DLG2: variants seen among roughly 807,000 people sequenced by gnomAD.
DLG2 encodes the protein disks large homolog 2.
Under a neutral mutation model 132.5 loss-of-function variants are expected in DLG2, and 45 were observed. The ratio of observed to expected loss-of-function variants is 0.34; its 90% CI spans 0.27 to 0.44. The LOEUF is 0.44. DLG2 is among the 20% of genes least tolerant of loss of function. The pLI, the probability that DLG2 is intolerant of heterozygous loss-of-function variation, is 1.00. For missense variants in DLG2, 1,045 were observed against 1,196.9 expected, an observed-to-expected ratio of 0.87 and a Z score of 1.87; for synonymous variants, 424 against 419.6, an observed-to-expected ratio of 1.01 and a Z score of -0.13.
chr11:84,641,950 CATACGTATATATGTATAT>C (rs2099666994), intron 6 of DLG2, among the ~76,000 whole-genome samples: 1 of 150,220 alleles, frequency 6.7e-6, no homozygotes, highest in African/African-American at 2.4e-5. Context: ...TACACACATC[CATACGTATATATGTATAT>C]ATATGTATGC....
intron 6 of DLG2, among the ~76,000 whole-genome samples, chr11:84,740,359 A>C (rs1224774935): frequency 6.6e-6 from 1 of 152,136 alleles, no homozygotes; most frequent in Non-Finnish European, 1.5e-5. Flanking sequence ...TTGCCACTGG[A>C]TATACTTACA....
At chr11:85,463,069 T>C (rs867499825) in intron 3 of DLG2, among the ~76,000 whole-genome samples, 15 of 152,234 alleles carry the variant, frequency 9.9e-5, no homozygotes, top group Admixed American at 2.6e-4. Context: ...GATCATGGAA[T>C]TCCAGTGTCC....
chr11:85,048,109 T>C lies in DLG2; in HGVS notation c.357+63552A>G, dbSNP rs145094216. 1.4e-4 allele frequency among the ~76,000 whole-genome samples: 22 copies of C among 152,044 alleles called. No homozygotes were observed. In the East Asian group the frequency reaches 2.7e-3, roughly 19 times the overall value. On this transcript the variant is annotated intron_variant, in intron 6 of 27. Transcript: ENST00000376104. ...TTGTTTTATAGAGCAATACCTTTTT[T>C]TGACCTTCAATACATGACACAAAGC... is the stretch of plus-strand genomic sequence containing the variant.
intron 3 of DLG2, among the ~76,000 whole-genome samples, chr11:85,548,930 T>C (rs1286104894): frequency 6.6e-6 from 1 of 151,998 alleles, no homozygotes; most frequent in Non-Finnish European, 1.5e-5. Flanking sequence ...CTGGGCTCCG[T>C]GGGGGTGGGA....
Position 84,953,040 on chromosome 11 carries a change from C to T in DLG2, c.357+158621G>A, listed in dbSNP as rs1337671573. 3.3e-5 allele frequency among the ~76,000 whole-genome samples: 5 copies of T among 152,254 alleles called. 1 individual carries two copies. In the East Asian group the frequency reaches 5.8e-4, roughly 18 times the overall value. On this transcript the variant is annotated intron_variant, in intron 6 of 27. Transcript: ENST00000376104. ...ACCTTTTCATTTCTCCTGCCACTACCCTAGCTTAGATCTTCATTTTTTAAA... is the reference window on the plus strand; with the variant it reads ...ACCTTTTCATTTCTCCTGCCACTACTCTAGCTTAGATCTTCATTTTTTAAA...
At chr11:85,112,315 G>A (rs2072901520) in intron 5 of DLG2, among the ~76,000 whole-genome samples, 2 of 152,076 alleles carry the variant, frequency 1.3e-5, no homozygotes, top group South Asian at 4.1e-4. Context: ...CCATTTTCCA[G>A]GCACTTCTTT....
Position 83,462,000 on chromosome 11 carries a change from A to G in DLG2, c.2821+2T>C. The G allele has an allele frequency of 6.3e-7, 1 of 1,593,944 alleles. No homozygotes were observed. The highest frequency in any genetic ancestry group is 8.6e-7 in the Non-Finnish European group (1 of 1,161,702). On this transcript the variant is annotated splice_donor_variant, in intron 27 of 27. Transcript: ENST00000376104. LOFTEE classifies it high-confidence loss of function. ...ACACTACCAGGGTAAAAGTGAACTT[A>G]CCTGTAAAATATTCTCCAAATTCTT...
intron 3 of DLG2, among the ~76,000 whole-genome samples, chr11:85,536,505 C>T (rs533478588): frequency 6.6e-5 from 10 of 152,330 alleles, no homozygotes; most frequent in East Asian, 1.9e-4. Context: ...TTGGCCTTGG[C>T]GTCTGCTCTG....
At chr11:84,718,697 C>A (rs552081613) in intron 6 of DLG2, among the ~76,000 whole-genome samples, 4 of 152,074 alleles carry the variant, frequency 2.6e-5, no homozygotes, top group African/African-American at 7.2e-5. Flanking sequence ...AAACAGTAGC[C>A]ATTGCAAGGA....
intron 4 of DLG2, among the ~76,000 whole-genome samples, chr11:85,223,578 G>T (rs2074793698): frequency 6.6e-6 from 1 of 152,120 alleles, no homozygotes. Flanking sequence ...GAAAGAGGTT[G>T]CAGTGAACTG....
chr11:84,796,509 T>A (rs553910390), intron 6 of DLG2, among the ~76,000 whole-genome samples: 2 of 152,338 alleles, frequency 1.3e-5, no homozygotes, highest in Non-Finnish European at 2.9e-5. Context: ...TTTGGAAGAT[T>A]TCTTACTGCT....
At chr11:84,028,052 T>TAA (rs368079509) in intron 11 of DLG2, among the ~76,000 whole-genome samples, 65 of 146,772 alleles carry the variant, frequency 4.4e-4, no homozygotes, top group African/African-American at 1.6e-3. Flanking sequence ...TTGTCCAGAT[T>TAA]AAAAAAAAAA....
intron 17 of DLG2, among the ~76,000 whole-genome samples, chr11:83,806,458 G>C (rs1025692907): frequency 1.3e-5 from 2 of 152,152 alleles, no homozygotes; most frequent in Non-Finnish European, 2.9e-5. Flanking sequence ...TCCTGTCAGT[G>C]AGTGAATATA....
rs34969401 is a variant in DLG2, at chr11:83,503,369, TTATATATATATATA to T, written c.2194-19155_2194-19142del. ...TATATATATACACACACACACCCATTTATATATATATATATATATATATATATATATATATATAT... is the reference window on the plus strand; with the variant it reads ...TATATATATACACACACACACCCATTTATATATATATATATATATATATAT... On this transcript the variant is annotated intron_variant, in intron 21 of 27. Transcript: ENST00000376104. Among the ~76,000 whole-genome samples, 857 of 90,700 alleles carry T rather than the reference TTATATATATATATA, an allele frequency of 9.4e-3. 20 individuals are homozygous for T. The highest frequency in any genetic ancestry group is 0.012 in the Admixed American group (79 of 6,484). 59.5% of individuals were successfully genotyped at this position (90,700 alleles called of 152,430 possible).
intron 3 of DLG2, among the ~76,000 whole-genome samples, chr11:85,494,839 TA>T (rs1225923124): frequency 1.3e-4 from 20 of 151,170 alleles, no homozygotes; most frequent in Admixed American, 1.1e-3. Context: ...GATTGTAGAA[TA>T]TTTTTTTAAA....
At chr11:84,786,782 G>C (rs2072967839) in intron 6 of DLG2, among the ~76,000 whole-genome samples, 1 of 152,078 alleles carries the variant, frequency 6.6e-6, no homozygotes, top group Non-Finnish European at 1.5e-5. Context: ...AACTACCATA[G>C]ACACAAAGTT....
intron 5 of DLG2, among the ~76,000 whole-genome samples, chr11:85,151,508 C>A (rs2077249349): frequency 6.6e-6 from 1 of 152,052 alleles, no homozygotes; most frequent in Non-Finnish European, 1.5e-5. Context: ...TTTCTGTAGG[C>A]ATTATAGAGT....
intron 6 of DLG2, among the ~76,000 whole-genome samples, chr11:84,562,964 C>T (rs2099432985): frequency 6.6e-6 from 1 of 152,064 alleles, no homozygotes; most frequent in South Asian, 2.1e-4. Context: ...GTTGTTCAGG[C>T]TGTTCTCAAA....
chr11:84,742,698 T>C (rs951668318), intron 6 of DLG2, among the ~76,000 whole-genome samples: 5 of 152,184 alleles, frequency 3.3e-5, no homozygotes, highest in Non-Finnish European at 7.4e-5. Context: ...CTGTTGGTGG[T>C]GTACATTCTG....
Sources: gnomAD v4.1 joint callset for allele counts (sites outside exome capture counted in the v4.1 genomes callset) on GRCh38, gnomAD v4.1.1 for gene constraint, MANE v1.5 for transcripts, NCBI Gene and HGNC (gene_info 2026-07-23, HGNC 2026-07-21) for gene names.